Variants in KIF6 observed in about 807,000 individuals in gnomAD.
The protein encoded by KIF6 is kinesin family member 6.
Under a neutral mutation model 112.7 loss-of-function variants are expected in KIF6, and 106 were observed. That is an observed-to-expected ratio of 0.94 (90% CI 0.80 to 1.11). The LOEUF is 1.11. KIF6 is among the 50% of genes least tolerant of loss of function. The pLI is 0.00. For missense variants in KIF6, 929 were observed against 964.0 expected (o/e 0.96, Z 0.48); for synonymous variants, 339 against 339.9 (o/e 1.00, Z 0.03).
intron 1 of KIF6, 42 bp downstream of exon 1, chr6:39,725,203 G>A: frequency 6.3e-7 from 1 of 1,575,252 alleles, no homozygotes; most frequent in Non-Finnish European, 8.7e-7. Flanking sequence ...CCCAGCCCAA[G>A]AGGCCCCGCC....
chr6:39,375,442 C>T (rs1283618892), intron 16 of KIF6, among the ~76,000 whole-genome samples: 1 of 152,152 alleles, frequency 6.6e-6, no homozygotes, highest in Admixed American at 6.5e-5. Flanking sequence ...CACAACATCA[C>T]AATGTACCCC....
intron 13 of KIF6, among the ~76,000 whole-genome samples, chr6:39,492,037 G>A (rs1320499007): frequency 6.6e-6 from 1 of 152,282 alleles, no homozygotes; most frequent in Non-Finnish European, 1.5e-5. Context: ...AGGTTCTTGA[G>A]TTAAGAAATG....
At chr6:39,598,577 A>ATATG (rs1554132972) in intron 6 of KIF6, among the ~76,000 whole-genome samples, 134 of 147,948 alleles carry the variant, frequency 9.1e-4, no homozygotes, top group African/African-American at 3.2e-3. Context: ...ATACATATAT[A>ATATG]TGTGTGTGTG....
In KIF6 at chr6:39,335,422, C is replaced by T. The variant is rs554799040; in HGVS notation, c.*1110G>A. Reference sequence around the variant, plus strand: ...AATCTTCTCCTGCATGATCCTGTTACCCAGTCCTAAAAAACGAAAAAGAAA... The same window carrying T: ...AATCTTCTCCTGCATGATCCTGTTATCCAGTCCTAAAAAACGAAAAAGAAA... On this transcript the variant is annotated 3_prime_UTR_variant, in exon 23 of 23. Coordinates refer to ENST00000287152, the MANE Select transcript of KIF6 (RefSeq NM_145027.6). 7 of 152,320 alleles carry T rather than the reference C, an allele frequency of 4.6e-5. No individual in the cohort carries two copies. The highest frequency in any genetic ancestry group is 2.1e-4 in the South Asian group (1 of 4,818). The allele number at this position is 152,320 out of a possible 1,614,324, so 9.4% of individuals were successfully genotyped here.
At chr6:39,458,359 A>G (rs1378077819) in intron 13 of KIF6, among the ~76,000 whole-genome samples, 1 of 146,128 alleles carries the variant, frequency 6.8e-6, no homozygotes, top group Non-Finnish European at 1.5e-5. Context: ...TTAGGTATTG[A>G]TGGGACGTAT....
At chr6:39,451,382 G>A (rs1772692488) in intron 13 of KIF6, among the ~76,000 whole-genome samples, 1 of 152,228 alleles carries the variant, frequency 6.6e-6, no homozygotes, top group Admixed American at 6.5e-5. Flanking sequence ...CTGAAAAAGT[G>A]TATTTGCACA....
chr6:39,613,890 A>G (rs1427849629), intron 5 of KIF6, among the ~76,000 whole-genome samples: 1 of 152,184 alleles, frequency 6.6e-6, no homozygotes, highest in Non-Finnish European at 1.5e-5. Context: ...TTAGCTTGCC[A>G]TTATTATTTT....
intron 13 of KIF6, among the ~76,000 whole-genome samples, chr6:39,467,693 T>A (rs1773874416): frequency 6.6e-6 from 1 of 152,114 alleles, no homozygotes; most frequent in East Asian, 1.9e-4. Context: ...TGGGTGGGGA[T>A]CAATATCTAG....
chr6:39,353,972 G>A lies in KIF6; in HGVS notation c.2180+3305C>T, dbSNP rs538895219. The A allele has an allele frequency of 8.4e-6, 4 of 473,784 alleles. No individual in the cohort carries two copies. In the East Asian group the frequency reaches 2.8e-4, roughly 34 times the overall value. 29.3% of individuals were successfully genotyped at this position (473,784 alleles called of 1,614,324 possible). Reference sequence around the variant, plus strand: ...GCAGGACTGCTACTGAGGGCACACTGACATTGCATGGCCTCTGTTTTCACA... The same window carrying A: ...GCAGGACTGCTACTGAGGGCACACTAACATTGCATGGCCTCTGTTTTCACA... On this transcript the variant is annotated intron_variant, in intron 19 of 22. Coordinates refer to ENST00000287152, the MANE Select transcript of KIF6 (RefSeq NM_145027.6).
At chr6:39,600,472 A>C (rs910125402) in intron 6 of KIF6, among the ~76,000 whole-genome samples, 2 of 152,194 alleles carry the variant, frequency 1.3e-5, no homozygotes, top group Non-Finnish European at 2.9e-5. Context: ...ATGAAATGAG[A>C]AAAGCAAAAT....
At chr6:39,339,330 C>T (rs1208203792) in intron 22 of KIF6, among the ~76,000 whole-genome samples, 2 of 152,124 alleles carry the variant, frequency 1.3e-5, no homozygotes, top group African/African-American at 2.4e-5. Context: ...CTGTACATGA[C>T]AGACAGTGAG....
chr6:39,603,671 C>T (rs1337337387), intron 6 of KIF6, among the ~76,000 whole-genome samples: 1 of 151,874 alleles, frequency 6.6e-6, no homozygotes. Flanking sequence ...TTGAGGTTTA[C>T]ATAATATGCT....
At position 39,360,786 on chromosome 6, in the gene KIF6, C is replaced by G. The variant is rs1043105429; in HGVS notation, c.1947-256G>C. 7.9e-5 allele frequency among the ~76,000 whole-genome samples: 12 copies of G among 152,284 alleles called. No individual in the cohort carries two copies. In the East Asian group the frequency reaches 2.1e-3, roughly 27 times the overall value. ...TGTGTGAGATGAATAGCCTCTCCCC[C>G]AAGAATGAGAACTGCCATTTGCTGA... On this transcript the variant is annotated intron_variant, in intron 17 of 22. Coordinates refer to ENST00000287152, the MANE Select transcript of KIF6 (RefSeq NM_145027.6).
At position 39,343,064 on chromosome 6, in the gene KIF6, G is replaced by A; in HGVS notation, c.2428+645C>T. ...AAGGGGCCCTGGGGCTTGCCCTGTG[G>A]GTGTGTTGGGGATGGAAGGCAGAAA... On this transcript the variant is annotated intron_variant, in intron 22 of 22. Coordinates refer to ENST00000287152, the MANE Select transcript of KIF6 (RefSeq NM_145027.6). The surrounding 1 kb of genome is among the most constrained non-coding windows in gnomAD (Gnocchi z 4.1). 1.0e-6 allele frequency: 1 copy of A among 985,408 alleles called. No individual in the cohort carries two copies. Among genetic ancestry groups the A allele is most frequent in the Non-Finnish European group, 1.2e-6 (1 of 829,934 alleles). The allele number at this position is 985,408 out of a possible 1,614,324, so 61.0% of individuals were successfully genotyped here. A position where few individuals can be genotyped will look rare whatever the true frequency, so the allele number is the denominator to read the frequency against.
At chr6:39,414,762 A>C (rs1169288126) in intron 15 of KIF6, among the ~76,000 whole-genome samples, 1 of 152,222 alleles carries the variant, frequency 6.6e-6, no homozygotes, top group African/African-American at 2.4e-5. Context: ...GAGAAATTTA[A>C]ACTCAGAAGA....
intron 10 of KIF6, among the ~76,000 whole-genome samples, chr6:39,574,553 T>C (rs576126459): frequency 2.0e-5 from 3 of 152,340 alleles, no homozygotes; most frequent in Admixed American, 6.5e-5. Context: ...ATTATTGATT[T>C]AGAGTAATTT....
At chr6:39,593,079 T>A (rs1782039935) in intron 7 of KIF6, among the ~76,000 whole-genome samples, 1 of 152,230 alleles carries the variant, frequency 6.6e-6, no homozygotes, top group African/African-American at 2.4e-5. Context: ...TATTTATTTG[T>A]ATGCTTTGCT....
At chr6:39,373,620 A>G (rs908160637) in intron 16 of KIF6, among the ~76,000 whole-genome samples, 1 of 152,158 alleles carries the variant, frequency 6.6e-6, no homozygotes, top group Admixed American at 6.5e-5. Flanking sequence ...CATTAATGAT[A>G]GTAACAACAA....
At position 39,401,657 on chromosome 6, in the gene KIF6, C is replaced by A. The variant is rs76463122; in HGVS notation, c.1811-15985G>T. 1.1e-3 allele frequency among the ~76,000 whole-genome samples: 169 copies of A among 151,908 alleles called. No individual in the cohort carries two copies. The East Asian group carries it at 0.017, about 16-fold the overall frequency. On this transcript the variant is annotated intron_variant, in intron 15 of 22. Transcript: ENST00000287152. ...TTTTAATTCCCCAGCACCAGCCTGC[C>A]CCACATATATCTCTTGAGTAGGTGA...
Sources: gnomAD v4.1 joint callset for allele counts (sites outside exome capture counted in the v4.1 genomes callset) on GRCh38, gnomAD v4.1.1 for gene constraint, Gnocchi (gnomAD v3.1) non-coding constraint, MANE v1.5 for transcripts, NCBI Gene and HGNC (gene_info 2026-07-23, HGNC 2026-07-21) for gene names.